The following PNPLA7 variants were observed in gnomAD, a reference collection of about 807,000 sequenced individuals.
The protein encoded by PNPLA7 is patatin like domain 7, lysophospholipase, also known as patatin-like phospholipase domain-containing protein 7.
A neutral mutation model predicts 161.7 loss-of-function variants in PNPLA7; 153 were observed. That is an observed-to-expected ratio of 0.95 (90% CI 0.83 to 1.08). The LOEUF (loss-of-function observed/expected upper bound fraction) is 1.08. PNPLA7 is among the 50% of genes least tolerant of loss of function. PNPLA7 has a pLI of 0.00. For synonymous variants in PNPLA7, 809 were observed against 782.1 expected (o/e 1.03, Z -0.57); for missense variants, 1,739 against 1,856.6 (o/e 0.94, Z 1.16).
chr9:137,477,946 C>G (rs1832017986), intron 25 of PNPLA7, 88 bp downstream of exon 25: 2 of 1,098,676 alleles, frequency 1.8e-6, no homozygotes, highest in East Asian at 3.2e-5. Context: ...CACCCCCTGT[C>G]CCCCGCACCC....
intron 19 of PNPLA7, 94 bp downstream of exon 19, chr9:137,494,939 T>C: frequency 4.3e-6 from 5 of 1,168,688 alleles, no homozygotes; most frequent in Non-Finnish European, 6.2e-6. Flanking sequence ...CCTCACCTGC[T>C]CTGTGCCCTC....
At chr9:137,542,885 T>C (rs2132634225) in intron 6 of PNPLA7, 84 bp from the exon 7 acceptor site, 1 of 1,451,452 alleles carries the variant, frequency 6.9e-7, no homozygotes, top group South Asian at 1.3e-5. Context: ...ACACGGTCAC[T>C]GACCCCACTG....
Position 137,467,189 on chromosome 9 carries a change from CA to C in PNPLA7, c.3039+127del, listed in dbSNP as rs1831516999. On this transcript the variant is annotated intron_variant, in intron 26 of 34. Transcript: ENST00000406427. The surrounding 1 kb of genome is among the most constrained non-coding windows in gnomAD (Gnocchi z 5.1). ...CCTCACAAGCTGCACTGGGAGGCTTCAGGGGGTAGCCTCCTCGAGGGCAGGG... is the reference window on the plus strand; with the variant it reads ...CCTCACAAGCTGCACTGGGAGGCTTCGGGGGTAGCCTCCTCGAGGGCAGGG... 4.6e-6 allele frequency: 6 copies of C among 1,312,590 alleles called. No homozygotes were observed. The South Asian group carries it at 7.7e-5, about 17-fold the overall frequency. The allele number at this position is 1,312,590 out of a possible 1,614,324, so 81.3% of individuals were successfully genotyped here.
In PNPLA7 at chr9:137,491,674, C is replaced by T. The variant is rs1261311322; in HGVS notation, c.2197+1339G>A. The T allele has an allele frequency of 3.0e-6, 3 of 985,318 alleles. No homozygotes were observed. In the African/African-American group the frequency reaches 5.2e-5, roughly 17 times the overall value. The allele number at this position is 985,318 out of a possible 1,614,324, so 61.0% of individuals were successfully genotyped here. A position where few individuals can be genotyped will look rare whatever the true frequency, so the allele number is the denominator to read the frequency against. On this transcript the variant is annotated intron_variant, in intron 20 of 34. Coordinates refer to ENST00000406427, the MANE Select transcript of PNPLA7 (RefSeq NM_001098537.3). ...AGGAACTCAGATGAAGATGGGGTCA[C>T]CCTAGAGTGGGGCTCACACTTCGCT... is the stretch of plus-strand genomic sequence containing the variant.
rs1235621609 is a variant in PNPLA7 at position 137,468,737 on chromosome 9, T to C, written c.2883-1264A>G. Among the ~76,000 whole-genome samples, 1 of 151,628 alleles carries C rather than the reference T, an allele frequency of 6.6e-6. No homozygotes were observed. The highest frequency in any genetic ancestry group is 6.6e-5 in the Admixed American group (1 of 15,240). On this transcript the variant is annotated intron_variant, in intron 25 of 34. Coordinates refer to ENST00000406427, the MANE Select transcript of PNPLA7 (RefSeq NM_001098537.3). This position sits in a 1 kb window ranked among gnomAD's most constrained non-coding sequence, Gnocchi z 4.0. ...TCCAGCCTGGACTGGAGTGAGACCC[T>C]GTCTATAAAAAAGTTCTGGAAATGA...
At position 137,522,814 on chromosome 9, in the gene PNPLA7, A is replaced by T. The variant is rs538995921; in HGVS notation, c.791T>A (p.Ile264Asn). The T allele has an allele frequency of 1.4e-5, 22 of 1,613,726 alleles. No homozygotes were observed. The South Asian group carries it at 2.3e-4, about 17-fold the overall frequency. Residue 264 changes from isoleucine to asparagine, a missense_variant, in exon 9 of 35, where the codon ATC (isoleucine) becomes AAC (asparagine). Transcript: ENST00000406427. ...PYKTVSVRAA[I>N]PSTILRLPAA... ...TGGAAGCCGGAGGATGGTGGACGGG[A>T]TGGCCGCGCGGACGGAGACCGTTTT...
chr9:137,502,404 G>A (rs950415829), intron 14 of PNPLA7, among the ~76,000 whole-genome samples: 2 of 151,590 alleles, frequency 1.3e-5, no homozygotes, highest in Non-Finnish European at 2.9e-5. Context: ...AAACCCTGAC[G>A]GTGAAGGGGG....
At chr9:137,527,544 G>A (rs1466892589) in intron 8 of PNPLA7, among the ~76,000 whole-genome samples, 1 of 152,142 alleles carries the variant, frequency 6.6e-6, no homozygotes, top group Non-Finnish European at 1.5e-5. Context: ...CTGTCAATAT[G>A]GAACATTACA....
Position 137,498,242 on chromosome 9 carries a change from GATTCTGCCGGGCAGCCCAGAGTCA to G in PNPLA7, c.1758-21_1760del, listed in dbSNP as rs776195805. On this transcript the variant is annotated splice_acceptor_variant and splice_polypyrimidine_tract_variant and coding_sequence_variant and intron_variant, in exon 17 of 35. Transcript: ENST00000406427. LOFTEE classifies it high-confidence loss of function. ...GGACGACGGTCGGCTGCTTCCGCATGATTCTGCCGGGCAGCCCAGAGTCAATCCTGCCCCATCCCTCCAACCCTA... is the reference window on the plus strand; with the variant it reads ...GGACGACGGTCGGCTGCTTCCGCATGATCCTGCCCCATCCCTCCAACCCTA... The G allele has an allele frequency of 6.2e-7, 1 of 1,610,550 alleles. No homozygotes were observed. Among genetic ancestry groups the G allele is most frequent in the South Asian group, 1.1e-5 (1 of 91,084 alleles).
intron 12 of PNPLA7, among the ~76,000 whole-genome samples, chr9:137,513,185 A>G (rs937287619): frequency 1.3e-5 from 2 of 152,128 alleles, no homozygotes; most frequent in African/African-American, 4.8e-5. Flanking sequence ...AGGCAAAACT[A>G]AAAGCTAATA....
At chr9:137,465,619 G>A (rs888563001) in intron 26 of PNPLA7, among the ~76,000 whole-genome samples, 9 of 152,240 alleles carry the variant, frequency 5.9e-5, no homozygotes, top group Non-Finnish European at 1.2e-4. Context: ...TTTAGGGAAA[G>A]AAACATTTCT....
rs542426766 is a variant in PNPLA7 at position 137,539,343 on chromosome 9, A to AAAAC, written c.747+1295_747+1298dup. Among the ~76,000 whole-genome samples, 170 of 152,220 alleles carry AAAAC rather than the reference A, an allele frequency of 1.1e-3. 1 individual carries two copies. The highest frequency in any genetic ancestry group is 3.5e-3 in the African/African-American group (147 of 41,538). On this transcript the variant is annotated intron_variant, in intron 8 of 34. Transcript: ENST00000406427. ...GGGCAACAGAGCGAGACTCCATCTC[A>AAAAC]AAACAAACAAACAAACAAACAAAAA...
At position 137,515,444 on chromosome 9, in the gene PNPLA7, CGAATGGAAGGCGCGG is replaced by C; in HGVS notation, c.1145_1159del (p.Pro382_Ile386del). The C allele has an allele frequency of 6.2e-7, 1 of 1,600,264 alleles. No individual in the cohort carries two copies. The highest frequency in any genetic ancestry group is 1.1e-5 in the South Asian group (1 of 88,574). ...CTCCAGCTCCTCCAAGATCTGTTTG[CGAATGGAAGGCGCGG>C]GGACGGAGTGGCTCCTCTTCAGCAG... On this transcript the variant is annotated inframe_deletion, in exon 12 of 35. Transcript: ENST00000406427.
intron 25 of PNPLA7, among the ~76,000 whole-genome samples, chr9:137,471,940 G>C (rs1412126602): frequency 1.3e-5 from 2 of 152,062 alleles, no homozygotes; most frequent in Non-Finnish European, 2.9e-5. Context: ...AAAATGGAAG[G>C]AACTAGATGA....
chr9:137,515,504 C>A lies in PNPLA7; in HGVS notation c.1100G>T (p.Arg367Leu), dbSNP rs1250374930. ...CAGCAGGGGCCCAGCAGCTGCCGGG[C>A]GGCCGCCCCCGTGATCTGCTGGGGA... The part of the protein sequence containing the change: ...ESCDSDHGGG[R>L]PAAAGPLLKR... Residue 367 changes from arginine to leucine, a missense_variant, in exon 12 of 35, where the codon CGC becomes CTC. Transcript: ENST00000406427. 1.3e-6 allele frequency: 2 copies of A among 1,555,486 alleles called. No individual in the cohort carries two copies. The highest frequency in any genetic ancestry group is 1.7e-6 in the Non-Finnish European group (2 of 1,153,914).
chr9:137,466,784 C>T (rs1467768664), intron 26 of PNPLA7, among the ~76,000 whole-genome samples: 2 of 148,004 alleles, frequency 1.4e-5, no homozygotes, highest in Admixed American at 6.7e-5. Context: ...CTCCCACCAC[C>T]GTCTCCACCA....
rs1831596094 is a variant in PNPLA7 at position 137,468,915 on chromosome 9, T to C, written c.2883-1442A>G. Among the ~76,000 whole-genome samples the C allele has an allele frequency of 6.6e-6, 1 of 152,132 alleles. No homozygotes were observed. Among genetic ancestry groups the C allele is most frequent in the South Asian group, 2.1e-4 (1 of 4,830 alleles). On this transcript the variant is annotated intron_variant, in intron 25 of 34. Coordinates refer to ENST00000406427, the MANE Select transcript of PNPLA7 (RefSeq NM_001098537.3). This position sits in a 1 kb window ranked among gnomAD's most constrained non-coding sequence, Gnocchi z 4.0. ...TTAACATAATAAAAAAAACCATATG[T>C]AATACTGCCACAGAATATTACTCAG...
At chr9:137,466,706 C>T (rs1264174158) in intron 26 of PNPLA7, among the ~76,000 whole-genome samples, 10 of 145,612 alleles carry the variant, frequency 6.9e-5, no homozygotes, top group African/African-American at 1.5e-4. Flanking sequence ...ACCTCAGACC[C>T]GGGCACGGAT....
rs754074464 is a variant in PNPLA7, at chr9:137,547,674, A to G, written c.31-15T>C. On this transcript the variant is annotated splice_polypyrimidine_tract_variant and intron_variant, in intron 1 of 34. Coordinates refer to ENST00000406427, the MANE Select transcript of PNPLA7 (RefSeq NM_001098537.3). This position sits in a 1 kb window ranked among gnomAD's most constrained non-coding sequence, Gnocchi z 4.6. ...CAGAAGTCAGCCTGCAGCAGAGAGC[A>G]TGGGGTCAGGTGGGCATGGACAGGC... The G allele has an allele frequency of 6.2e-7, 1 of 1,612,592 alleles. No individual in the cohort carries two copies. Among genetic ancestry groups the G allele is most frequent in the Admixed American group, 1.7e-5 (1 of 60,016 alleles).
Sources: allele counts gnomAD v4.1 joint callset (sites outside exome capture counted in the v4.1 genomes callset), GRCh38; gene constraint gnomAD v4.1.1; non-coding constraint Gnocchi (gnomAD v3.1); transcripts MANE v1.5; gene names NCBI Gene and HGNC (gene_info 2026-07-23, HGNC 2026-07-21).